Variants in L3MBTL2 observed in about 807,000 individuals in gnomAD.
L3MBTL2 encodes the protein lethal(3)malignant brain tumor-like protein 2.
Under a neutral mutation model 86.4 loss-of-function variants are expected in L3MBTL2, and 49 were observed. The ratio of observed to expected loss-of-function variants is 0.57; its 90% CI spans 0.45 to 0.72. The LOEUF is 0.72. L3MBTL2 is among the 30% of genes least tolerant of loss of function. The probability of loss-of-function intolerance (pLI) is 0.00; values close to 1 mark genes in which losing one functional copy is unlikely to be tolerated. For missense variants in L3MBTL2, 755 were observed against 923.7 expected (o/e 0.82, Z 2.37); for synonymous variants, 336 against 350.6 (o/e 0.96, Z 0.47).
At chr22:41,219,237 C>T (rs1341509711) in intron 5 of L3MBTL2, 182 bp from the exon 6 acceptor site, 11 of 524,024 alleles carry the variant, frequency 2.1e-5, no homozygotes, top group Non-Finnish European at 3.9e-5. Flanking sequence ...ACCTCTACTC[C>T]CGGCTTAGCT....
chr22:41,220,897 G>A (rs1345687698), intron 7 of L3MBTL2, 29 bp downstream of exon 7: 4 of 1,600,694 alleles, frequency 2.5e-6, no homozygotes, highest in Non-Finnish European at 3.4e-6. Context: ...TTCCTCTCTT[G>A]TTCCCGTAGG....
In L3MBTL2 at chr22:41,209,970, T is replaced by C. The variant is rs373334391; in HGVS notation, c.262+37T>C. 89 of 1,602,118 alleles carry C rather than the reference T, an allele frequency of 5.6e-5. 1 individual carries two copies. The East Asian group carries it at 1.5e-3, about 28-fold the overall frequency. ...GTGTCCCCTGAGGATGGAGAGGAGA[T>C]AGAAGATTATAGAGGAAGAGGGGGG... is the stretch of plus-strand genomic sequence containing the variant. On this transcript the variant is annotated intron_variant, in intron 2 of 16. Coordinates refer to ENST00000216237, the MANE Select transcript of L3MBTL2 (RefSeq NM_031488.5).
chr22:41,207,821 A>C (rs2145562733), intron 1 of L3MBTL2, among the ~76,000 whole-genome samples: 1 of 150,332 alleles, frequency 6.7e-6, no homozygotes, highest in East Asian at 2.0e-4. Flanking sequence ...CCACAGGTGC[A>C]TGCCACCACC....
Position 41,225,927 on chromosome 22 carries a change from T to C in L3MBTL2, c.1490T>C (p.Leu497Pro). Reference sequence around the variant, plus strand: ...TTCTGTCAGAAGAATGACATTGAGCTCACACCGCCAAAAGGTAAGACTAGA... The same window carrying C: ...TTCTGTCAGAAGAATGACATTGAGCCCACACCGCCAAAAGGTAAGACTAGA... ...ATFCQKNDIE[L>P]TPPKGYEAQT... The change falls in exon 12 of 17, where the codon CTC becomes CCC. Residue 497 changes from leucine to proline, a missense_variant. Coordinates refer to ENST00000216237, the MANE Select transcript of L3MBTL2 (RefSeq NM_031488.5). This position sits in a 1 kb window ranked among gnomAD's most constrained non-coding sequence, Gnocchi z 4.1. 1 of 1,613,948 alleles carries C rather than the reference T, an allele frequency of 6.2e-7. No homozygotes were observed. The highest frequency in any genetic ancestry group is 8.5e-7 in the Non-Finnish European group (1 of 1,179,980).
chr22:41,221,499 G>A (rs965877280), intron 8 of L3MBTL2: 3 of 560,622 alleles, frequency 5.4e-6, no homozygotes, highest in Admixed American at 5.9e-5. Flanking sequence ...CCCAGACTCT[G>A]CTCCTACTGC....
intron 8 of L3MBTL2, among the ~76,000 whole-genome samples, chr22:41,222,829 G>A (rs2031918528): frequency 1.3e-5 from 2 of 152,164 alleles, no homozygotes; most frequent in African/African-American, 4.8e-5. Flanking sequence ...GCTGAGGTGA[G>A]AGAATCGCTT....
chr22:41,226,132 C>G (rs1252429365), intron 12 of L3MBTL2, among the ~76,000 whole-genome samples, 191 bp downstream of exon 12: 1 of 152,200 alleles, frequency 6.6e-6, no homozygotes, highest in Non-Finnish European at 1.5e-5. Flanking sequence ...CAAAAATTAG[C>G]CAGGCATGGT....
chr22:41,224,988 G>C lies in L3MBTL2; in HGVS notation c.1273G>C (p.Gly425Arg). Reference protein sequence around the residue: ...FKKVRAVYTEGGWFEEGMKLE... With the variant: ...FKKVRAVYTERGWFEEGMKLE... ...TAAGGTACGAGCAGTCTACACAGAA[G>C]GCGGTTGGTTTGAGGAAGGGATGAA... The change falls in exon 11 of 17, where the codon GGC becomes CGC. Residue 425 changes from glycine to arginine, a missense_variant. By Grantham distance (125) the Gly-to-Arg change is moderately radical. Around this residue, in one of 3 missense-constraint regions of L3MBTL2, gnomAD observed 634 missense variants for 748.9 expected, o/e 0.85. Coordinates refer to ENST00000216237, the MANE Select transcript of L3MBTL2 (RefSeq NM_031488.5). This position sits in a 1 kb window ranked among gnomAD's most constrained non-coding sequence, Gnocchi z 4.9. The C allele has an allele frequency of 6.2e-7, 1 of 1,613,970 alleles. No individual in the cohort carries two copies. Among genetic ancestry groups the C allele is most frequent in the Non-Finnish European group, 8.5e-7 (1 of 1,179,914 alleles).
At position 41,227,395 on chromosome 22, in the gene L3MBTL2, G is replaced by A; in HGVS notation, c.1822+72G>A. On this transcript the variant is annotated intron_variant, in intron 14 of 16. Coordinates refer to ENST00000216237, the MANE Select transcript of L3MBTL2 (RefSeq NM_031488.5). The surrounding 1 kb of genome is among the most constrained non-coding windows in gnomAD (Gnocchi z 6.0). ...CTTTTTTCCTTCTTCCCCCGCCCCTGTGCCCATCTCCGTTCTTTGGCATGA... is the reference window on the plus strand; with the variant it reads ...CTTTTTTCCTTCTTCCCCCGCCCCTATGCCCATCTCCGTTCTTTGGCATGA... The A allele has an allele frequency of 7.0e-7, 1 of 1,422,214 alleles. No individual in the cohort carries two copies. Among genetic ancestry groups the A allele is most frequent in the East Asian group, 2.5e-5 (1 of 40,176 alleles). 88.1% of individuals were successfully genotyped at this position (1,422,214 alleles called of 1,614,324 possible).
In L3MBTL2 at chr22:41,209,791, G is replaced by A. The variant is rs146730690; in HGVS notation, c.120G>A (p.Val40=). 5 of 1,614,174 alleles carry A rather than the reference G, an allele frequency of 3.1e-6. No individual in the cohort carries two copies. The part of the protein sequence containing the change: ...YDSFRSYNSS[V]GSESSSYLEE... ...GTTTCCGGAGTTATAACAGCAGTGTGGGCAGTGAGAGCAGCTCCTATCTGG... is the reference window on the plus strand; with the variant it reads ...GTTTCCGGAGTTATAACAGCAGTGTAGGCAGTGAGAGCAGCTCCTATCTGG... Residue 40 remains valine (V), a synonymous_variant, in exon 2 of 17, where the codon GTG becomes GTA. Transcript: ENST00000216237.
chr22:41,215,851 A>T (rs1355364078), intron 3 of L3MBTL2, among the ~76,000 whole-genome samples: 1 of 152,254 alleles, frequency 6.6e-6, no homozygotes, highest in Non-Finnish European at 1.5e-5. Context: ...TGGAGGAAGG[A>T]GATGACTGAG....
At chr22:41,211,603 C>A (rs2030823934) in intron 2 of L3MBTL2, among the ~76,000 whole-genome samples, 1 of 138,700 alleles carries the variant, frequency 7.2e-6, no homozygotes, top group African/African-American at 2.8e-5. Context: ...GTCACCCAGG[C>A]TGGAATGCAG....
chr22:41,224,861 G>A lies in L3MBTL2; in HGVS notation c.1251+60G>A, dbSNP rs1356066337. 3.8e-6 allele frequency: 6 copies of A among 1,561,838 alleles called. No homozygotes were observed. In the East Asian group the frequency reaches 1.3e-4, roughly 35 times the overall value. ...CCATGGGTCCATTCCGGGCCTGAGGGACCTGGCTCTTCCCCTGGGACCATC... is the reference window on the plus strand; with the variant it reads ...CCATGGGTCCATTCCGGGCCTGAGGAACCTGGCTCTTCCCCTGGGACCATC... On this transcript the variant is annotated intron_variant, in intron 10 of 16. Coordinates refer to ENST00000216237, the MANE Select transcript of L3MBTL2 (RefSeq NM_031488.5). The surrounding 1 kb of genome is among the most constrained non-coding windows in gnomAD (Gnocchi z 4.9).
chr22:41,212,019 A>G (rs2030904334), intron 2 of L3MBTL2, among the ~76,000 whole-genome samples: 2 of 149,402 alleles, frequency 1.3e-5, no homozygotes, highest in African/African-American at 2.5e-5. Flanking sequence ...GCCCTCCGCC[A>G]TGCCCGGCTA....
At chr22:41,218,114 C>T (rs1210373408) in intron 5 of L3MBTL2, 1 of 152,234 alleles carries the variant, frequency 6.6e-6, no homozygotes, top group Non-Finnish European at 1.5e-5. Context: ...CCCTGCGTGC[C>T]TGGGCTAGCG....
intron 3 of L3MBTL2, 114 bp downstream of exon 3, chr22:41,214,140 C>A: frequency 9.5e-7 from 1 of 1,053,188 alleles, no homozygotes; most frequent in Non-Finnish European, 1.4e-6. Context: ...TTGTGGCCAG[C>A]TGGTATTTAT....
At chr22:41,212,516 G>A (rs1017067126) in intron 2 of L3MBTL2, among the ~76,000 whole-genome samples, 8 of 150,296 alleles carry the variant, frequency 5.3e-5, no homozygotes, top group African/African-American at 2.0e-4. Flanking sequence ...TCCTGCCCCA[G>A]CCTCCGGAGT....
intron 6 of L3MBTL2, 139 bp downstream of exon 6, chr22:41,219,675 T>C (rs1160360297): frequency 4.8e-6 from 3 of 624,372 alleles, no homozygotes; most frequent in African/African-American, 3.6e-5. Flanking sequence ...CTTCTAAGGA[T>C]TCTTTTACCG....
intron 2 of L3MBTL2, among the ~76,000 whole-genome samples, chr22:41,211,866 T>C (rs1166716020): frequency 3.9e-5 from 5 of 126,952 alleles, no homozygotes; most frequent in East Asian, 4.4e-4. Context: ...CTTTTTTTTT[T>C]TTTTTTTTTT....
Sources: allele counts gnomAD v4.1 joint callset (sites outside exome capture counted in the v4.1 genomes callset), GRCh38; gene constraint gnomAD v4.1.1; regional missense constraint gnomAD v4.1.1; non-coding constraint Gnocchi (gnomAD v3.1); transcripts MANE v1.5; gene names NCBI Gene and HGNC (gene_info 2026-07-23, HGNC 2026-07-21).